PTCD3: variants seen among roughly 807,000 people sequenced by gnomAD.
The protein encoded by PTCD3 is pentatricopeptide repeat domain 3.
In PTCD3, 89 loss-of-function variants were observed where a neutral mutation model predicts 101.9. The observed-to-expected ratio is 0.87, with a 90% CI of 0.74 to 1.04. The LOEUF (loss-of-function observed/expected upper bound fraction) is 1.04, where lower values mean the gene tolerates loss of function less well. Ranked by LOEUF, PTCD3 falls within the 50% of genes least tolerant of loss-of-function variation. PTCD3 has a pLI of 0.00. For missense variants in PTCD3, 870 were observed against 828.2 expected, an observed-to-expected ratio of 1.05 and a Z score of -0.62; for synonymous variants, 296 against 278.5, an observed-to-expected ratio of 1.06 and a Z score of -0.63.
intron 17 of PTCD3, 195 bp downstream of exon 17, chr2:86,132,619 A>T: frequency 1.4e-5 from 5 of 352,994 alleles, no homozygotes; most frequent in Non-Finnish European, 1.5e-5. Context: ...GTGTCCTTTA[A>T]GGGTTTTTTT....
intron 4 of PTCD3, among the ~76,000 whole-genome samples, chr2:86,113,870 G>A (rs980969392): frequency 4.6e-5 from 7 of 152,062 alleles, no homozygotes; most frequent in African/African-American, 1.7e-4. Flanking sequence ...TGGGTCTAAT[G>A]TGCACTGGTG....
chr2:86,129,277 T>A (rs1337352700), intron 14 of PTCD3, among the ~76,000 whole-genome samples: 4 of 152,254 alleles, frequency 2.6e-5, no homozygotes, highest in Non-Finnish European at 5.9e-5. Context: ...TCAGATGTAC[T>A]TACATTTCCT....
chr2:86,131,806 C>T (rs976142915), intron 16 of PTCD3, among the ~76,000 whole-genome samples: 2 of 152,040 alleles, frequency 1.3e-5, no homozygotes, highest in African/African-American at 2.4e-5. Context: ...TGGCAAAAAC[C>T]GCAATTACAA....
At chr2:86,136,033 A>T (rs773491873) in intron 21 of PTCD3, 2 of 518,864 alleles carry the variant, frequency 3.9e-6, no homozygotes, top group African/African-American at 3.9e-5. Flanking sequence ...TCTAAGACAG[A>T]CTGAACCCCT....
At chr2:86,108,830 G>T in intron 3 of PTCD3, 2 of 294,466 alleles carry the variant, frequency 6.8e-6, no homozygotes, top group Non-Finnish European at 1.3e-5. Flanking sequence ...ATCATCATTA[G>T]AATAATTTTT....
At chr2:86,122,488 T>G (rs1674300907) in intron 8 of PTCD3, among the ~76,000 whole-genome samples, 1 of 151,674 alleles carries the variant, frequency 6.6e-6, no homozygotes, top group Admixed American at 6.6e-5. Context: ...CATAGCTTAC[T>G]GCAGCCTTTA....
chr2:86,137,565 G>A lies in PTCD3; in HGVS notation c.*6G>A, dbSNP rs763753309. On this transcript the variant is annotated 3_prime_UTR_variant, in exon 24 of 24. Transcript: ENST00000254630. ...ACACCAGTGAAGGCAAATGAAAGTG[G>A]AGATTCAGGAGCAGCAATGGGTCTC... The A allele has an allele frequency of 1.4e-5, 21 of 1,536,376 alleles. No homozygotes were observed. In the East Asian group the frequency reaches 2.9e-4, roughly 21 times the overall value.
chr2:86,128,603 A>T (rs182003127), intron 14 of PTCD3, among the ~76,000 whole-genome samples: 7 of 152,286 alleles, frequency 4.6e-5, no homozygotes, highest in Admixed American at 1.3e-4. Flanking sequence ...CATCTTTGCC[A>T]AAAGTTTGTG....
intron 4 of PTCD3, chr2:86,112,177 C>T (rs1305203094): frequency 1.3e-5 from 2 of 152,102 alleles, no homozygotes; most frequent in African/African-American, 4.8e-5. Flanking sequence ...CTGTCTCAGC[C>T]TCCCGAGTAG....
At chr2:86,123,175 T>A (rs1674323941) in intron 8 of PTCD3, among the ~76,000 whole-genome samples, 1 of 151,566 alleles carries the variant, frequency 6.6e-6, no homozygotes. Flanking sequence ...GGCAGGAGAA[T>A]TCCTTGAACC....
chr2:86,130,398 G>A (rs940186470), intron 14 of PTCD3, among the ~76,000 whole-genome samples: 1 of 152,222 alleles, frequency 6.6e-6, no homozygotes, highest in African/African-American at 2.4e-5. Context: ...TTCATGTGAA[G>A]AGACTAAAGG....
chr2:86,136,676 C>A, intron 22 of PTCD3, 114 bp downstream of exon 22: 1 of 1,214,070 alleles, frequency 8.2e-7, no homozygotes. Flanking sequence ...GGCAAGCATA[C>A]CGTCAACTCC....
At position 86,134,840 on chromosome 2, in the gene PTCD3, T is replaced by C; in HGVS notation, c.1631T>C (p.Leu544Pro). ...TCTGCTGACTCCTAAGCTTCTCAGCTTCAGGTGGCATTTGCTGACTGTGCT... is the reference window on the plus strand; with the variant it reads ...TCTGCTGACTCCTAAGCTTCTCAGCCTCAGGTGGCATTTGCTGACTGTGCT... ...LMARDKHPPE[L>P]QVAFADCAAD... Residue 544 changes from leucine (L) to proline (P), a missense_variant and splice_region_variant, in exon 21 of 24, where the codon CTT (leucine) becomes CCT (proline). By Grantham distance (98) the Leu-to-Pro change is moderately conservative (BLOSUM62 -3). Transcript: ENST00000254630. 1.2e-6 allele frequency: 2 copies of C among 1,614,052 alleles called. No individual in the cohort carries two copies. The highest frequency in any genetic ancestry group is 3.3e-5 in the Admixed American group (2 of 60,014).
At chr2:86,128,322 A>G (rs1295172767) in intron 14 of PTCD3, among the ~76,000 whole-genome samples, 4 of 150,642 alleles carry the variant, frequency 2.7e-5, no homozygotes, top group Non-Finnish European at 5.9e-5. Flanking sequence ...GAGGGTAGCA[A>G]TCTTGTTTGT....
At chr2:86,134,270 C>T (rs2104462172) in intron 19 of PTCD3, 22 bp from the exon 20 acceptor site, 1 of 1,539,660 alleles carries the variant, frequency 6.5e-7, no homozygotes, top group Non-Finnish European at 9.0e-7. Context: ...ATGATCACTC[C>T]TTGTTCCTTT....
intron 10 of PTCD3, 139 bp from the exon 11 acceptor site, chr2:86,125,316 A>G (rs1214408987): frequency 1.8e-6 from 2 of 1,082,994 alleles, no homozygotes; most frequent in Non-Finnish European, 2.7e-6. Flanking sequence ...AGAAAATCCC[A>G]CTGCACTAGA....
chr2:86,130,636 C>G lies in PTCD3; in HGVS notation c.1148-12C>G. On this transcript the variant is annotated splice_polypyrimidine_tract_variant and intron_variant, in intron 14 of 23. Coordinates refer to ENST00000254630, the MANE Select transcript of PTCD3 (RefSeq NM_017952.6). The stretch of plus-strand genomic sequence containing the variant: ...GAAGTGGATTAAACACATTTGCTTT[C>G]TTGTTCTGCAGGAGACCCTTTAAAG... The G allele has an allele frequency of 6.2e-7, 1 of 1,605,254 alleles. No homozygotes were observed. The highest frequency in any genetic ancestry group is 2.2e-5 in the East Asian group (1 of 44,572).
rs1170037828 is a variant in PTCD3, at chr2:86,121,503, C to A, written c.563C>A (p.Thr188Lys). ...GGAACCACTGTGTCTCTTGAAACAA[C>A]AAATAGTCTCTTGGATTTATTGTGT... ...QAGTTVSLET[T>K]NSLLDLLCYY... is the part of the protein sequence containing the mutation. The change falls in exon 8 of 24, where the codon ACA (threonine) becomes AAA (lysine). Residue 188 changes from threonine to lysine, a missense_variant. Physicochemically the swap from Thr to Lys is moderately conservative, Grantham distance 78 (BLOSUM62 -1). Coordinates refer to ENST00000254630, the MANE Select transcript of PTCD3 (RefSeq NM_017952.6). 3.1e-6 allele frequency: 5 copies of A among 1,605,362 alleles called. No homozygotes were observed. Among genetic ancestry groups the A allele is most frequent in the Non-Finnish European group, 4.2e-6 (5 of 1,176,866 alleles).
intron 16 of PTCD3, 142 bp downstream of exon 16, chr2:86,131,248 A>ATT: frequency 1.5e-5 from 10 of 648,968 alleles, no homozygotes; most frequent in African/African-American, 2.0e-5. Context: ...AAAATCTATA[A>ATT]TTTTTTTTTT....
Sources: allele counts gnomAD v4.1 joint callset (sites outside exome capture counted in the v4.1 genomes callset), GRCh38; gene constraint gnomAD v4.1.1; transcripts MANE v1.5; gene names NCBI Gene and HGNC (gene_info 2026-07-23, HGNC 2026-07-21).